The following DIAPH3 variants were observed in gnomAD, a reference collection of about 807,000 sequenced individuals.
DIAPH3 encodes protein diaphanous homolog 3.
DIAPH3 carries 117 observed loss-of-function variants against 144.3 expected under a neutral mutation model. The ratio of observed to expected loss-of-function variants is 0.81; its 90% CI spans 0.70 to 0.95. The LOEUF is 0.95. DIAPH3 is among the 40% of genes least tolerant of loss of function. DIAPH3 has a pLI of 0.00. For synonymous variants in DIAPH3, 519 were observed against 488.9 expected (o/e 1.06, Z -0.81); for missense variants, 1,421 against 1,412.7 (o/e 1.01, Z -0.09).
intron 2 of DIAPH3, among the ~76,000 whole-genome samples, chr13:60,120,512 C>T (rs1384979119): frequency 6.6e-6 from 1 of 152,150 alleles, no homozygotes; most frequent in Non-Finnish European, 1.5e-5. Flanking sequence ...CTGTTCCCTC[C>T]CTACCAAAAA....
At chr13:59,672,586 T>C (rs2032435190) in intron 27 of DIAPH3, among the ~76,000 whole-genome samples, 1 of 152,200 alleles carries the variant, frequency 6.6e-6, no homozygotes, top group Non-Finnish European at 1.5e-5. Flanking sequence ...TGGGTCTACA[T>C]GATAGTAAAG....
intron 18 of DIAPH3, among the ~76,000 whole-genome samples, chr13:59,917,014 TTATTGTAC>T (rs1305869953): frequency 6.6e-6 from 1 of 152,212 alleles, no homozygotes; most frequent in Non-Finnish European, 1.5e-5. Context: ...AGTTCAACCC[TTATTGTAC>T]TATTATGTTT....
chr13:59,765,085 A>G (rs964328812), intron 27 of DIAPH3, among the ~76,000 whole-genome samples: 1 of 152,186 alleles, frequency 6.6e-6, no homozygotes, highest in Non-Finnish European at 1.5e-5. Flanking sequence ...TCCCAGGGAC[A>G]AAAGGAGGTA....
At chr13:59,936,808 G>A (rs1384438276) in intron 17 of DIAPH3, among the ~76,000 whole-genome samples, 1 of 152,240 alleles carries the variant, frequency 6.6e-6, no homozygotes, top group East Asian at 1.9e-4. Flanking sequence ...TCTGGCCCCT[G>A]TGAATTCTTC....
intron 27 of DIAPH3, among the ~76,000 whole-genome samples, chr13:59,744,414 G>A (rs1213119085): frequency 1.3e-5 from 2 of 152,286 alleles, no homozygotes; most frequent in South Asian, 2.1e-4. Flanking sequence ...CCCTCCAAGA[G>A]GGCACACTCC....
intron 7 of DIAPH3, among the ~76,000 whole-genome samples, chr13:60,012,152 T>G (rs2033161494): frequency 6.6e-6 from 1 of 152,210 alleles, no homozygotes; most frequent in African/African-American, 2.4e-5. Context: ...CCCAAGTACT[T>G]TGATTGTGAT....
At chr13:59,965,656 C>A (rs116287451) in intron 17 of DIAPH3, among the ~76,000 whole-genome samples, 288 of 151,804 alleles carry the variant, frequency 1.9e-3, no homozygotes, top group African/African-American at 6.3e-3. Flanking sequence ...TTTTTTATAA[C>A]CTTGTTAAGT....
At chr13:60,074,041 G>C (rs2057298667) in intron 4 of DIAPH3, among the ~76,000 whole-genome samples, 1 of 152,138 alleles carries the variant, frequency 6.6e-6, no homozygotes, top group Non-Finnish European at 1.5e-5. Context: ...TGGTACTAAT[G>C]CTGAAAACTT....
chr13:59,793,150 G>A (rs548708665), intron 25 of DIAPH3, among the ~76,000 whole-genome samples: 10 of 152,096 alleles, frequency 6.6e-5, no homozygotes, highest in Non-Finnish European at 1.5e-4. Flanking sequence ...TCTGCACTTA[G>A]GCCCAACATT....
chr13:59,818,635 T>C (rs965739836), intron 24 of DIAPH3, among the ~76,000 whole-genome samples: 1 of 151,900 alleles, frequency 6.6e-6, no homozygotes, highest in Non-Finnish European at 1.5e-5. Context: ...TTGTCTTTCA[T>C]TCTTTTTGAG....
Position 59,924,788 on chromosome 13 carries a change from A to AC in DIAPH3, c.2156_2157insG (p.Ile719MetfsTer17), listed in dbSNP as rs1737371392. ...TATGATACTTACAAAGGTTCTGGGC[A>AC]ATTTTAGAATCTAAAAACTTAAGTT... On this transcript the variant is annotated frameshift_variant, in exon 18 of 28. Transcript: ENST00000400324. LOFTEE classifies it high-confidence loss of function. 6.2e-7 allele frequency: 1 copy of AC among 1,601,646 alleles called. No homozygotes were observed. Among genetic ancestry groups the AC allele is most frequent in the Admixed American group, 1.7e-5 (1 of 59,452 alleles).
chr13:59,752,034 G>A (rs1343836724), intron 27 of DIAPH3, among the ~76,000 whole-genome samples: 2 of 152,152 alleles, frequency 1.3e-5, no homozygotes, highest in African/African-American at 4.8e-5. Flanking sequence ...GATGACAGTG[G>A]TCTAAAATTT....
intron 25 of DIAPH3, among the ~76,000 whole-genome samples, chr13:59,801,782 C>G (rs1311413641): frequency 6.6e-6 from 1 of 152,142 alleles, no homozygotes; most frequent in Non-Finnish European, 1.5e-5. Context: ...GGAAGCTATC[C>G]AGGAAACAAT....
intron 20 of DIAPH3, among the ~76,000 whole-genome samples, chr13:59,879,715 G>A (rs1260908267): frequency 6.6e-6 from 1 of 152,090 alleles, no homozygotes; most frequent in Non-Finnish European, 1.5e-5. Flanking sequence ...AAATGATAAT[G>A]TTTAATTAAG....
At chr13:60,000,958 A>C (rs1375632297) in intron 9 of DIAPH3, among the ~76,000 whole-genome samples, 1 of 152,200 alleles carries the variant, frequency 6.6e-6, no homozygotes, top group Non-Finnish European at 1.5e-5. Flanking sequence ...AAAGTAGCCA[A>C]GGTGACACTA....
At chr13:59,742,563 G>GAATAA (rs2036510555) in intron 27 of DIAPH3, among the ~76,000 whole-genome samples, 1 of 60,584 alleles carries the variant, frequency 1.7e-5, no homozygotes, top group Non-Finnish European at 3.4e-5. Flanking sequence ...GCTGCTAAAA[G>GAATAA]AAGAAAAGAA....
At chr13:59,772,157 T>A (rs934354353) in intron 27 of DIAPH3, among the ~76,000 whole-genome samples, 2 of 152,072 alleles carry the variant, frequency 1.3e-5, no homozygotes, top group Non-Finnish European at 2.9e-5. Flanking sequence ...AATAGAAAGA[T>A]TTCCAATGAA....
chr13:59,874,051 C>T (rs9563769), intron 21 of DIAPH3, among the ~76,000 whole-genome samples: 88,977 of 151,934 alleles, frequency 0.59, 27,873 homozygotes, highest in East Asian at 0.75. Context: ...TTCATTTTTT[C>T]ATGTTTGCTT....
chr13:59,842,501 T>G (rs559450050), intron 22 of DIAPH3, among the ~76,000 whole-genome samples: 1 of 152,244 alleles, frequency 6.6e-6, no homozygotes, highest in African/African-American at 2.4e-5. Flanking sequence ...TGTCCTACAA[T>G]TGGAGTTAGT....
Sources: gnomAD v4.1 joint callset for allele counts (sites outside exome capture counted in the v4.1 genomes callset) on GRCh38, gnomAD v4.1.1 for gene constraint, MANE v1.5 for transcripts, NCBI Gene and HGNC (gene_info 2026-07-23, HGNC 2026-07-21) for gene names.